Variants in SMARCA2 observed in about 807,000 individuals in gnomAD.
The protein encoded by SMARCA2 is SWI/SNF related BAF chromatin remodeling complex subunit ATPase 2, also known as SWI/SNF-related matrix-associated actin-dependent regulator of chromatin subfamily A member 2.
A neutral mutation model predicts 199.8 loss-of-function variants in SMARCA2; 61 were observed. The ratio of observed to expected loss-of-function variants is 0.31; its 90% CI spans 0.25 to 0.38. The LOEUF (loss-of-function observed/expected upper bound fraction) is 0.38. Among genes scored for constraint, SMARCA2 ranks in the 10% least tolerant of loss-of-function variants. The pLI is 1.00. For synonymous variants in SMARCA2, 935 were observed against 732.0 expected (o/e 1.28, Z -4.48); for missense variants, 1,344 against 2,012.2 (o/e 0.67, Z 6.35).
intron 5 of SMARCA2, among the ~76,000 whole-genome samples, chr9:2,049,420 C>T (rs955773376): frequency 1.3e-5 from 2 of 152,158 alleles, no homozygotes; most frequent in East Asian, 1.9e-4. Flanking sequence ...TTCTGCCCTC[C>T]TATGTCAATA....
chr9:2,174,687 G>A lies in SMARCA2; in HGVS notation c.4253+4215G>A, dbSNP rs535474382. Among the ~76,000 whole-genome samples the A allele has an allele frequency of 3.3e-5, 5 of 152,176 alleles. No homozygotes were observed. In the South Asian group the frequency reaches 1.0e-3, roughly 32 times the overall value. On this transcript the variant is annotated intron_variant, in intron 29 of 33. Transcript: ENST00000349721. Reference sequence around the variant, plus strand: ...GTAATTCCCAGCACTTTGGGAGGCCGAGGCAAGCGGATTGCTTCAGCTCAG... The same window carrying A: ...GTAATTCCCAGCACTTTGGGAGGCCAAGGCAAGCGGATTGCTTCAGCTCAG...
rs185111631 is a variant in SMARCA2, at chr9:2,046,492, A to G, written c.791-737A>G. 1.6e-3 allele frequency among the ~76,000 whole-genome samples: 237 copies of G among 152,288 alleles called. 3 individuals are homozygous for G. Among genetic ancestry groups the G allele is most frequent in the African/African-American group, 5.3e-3 (221 of 41,556 alleles). ...TGAATGTTTTAAGAAGTGTTTTCTA[A>G]TATGTAGTAAGAAAAAATTTAAGTT... is the stretch of plus-strand genomic sequence containing the variant. On this transcript the variant is annotated intron_variant, in intron 4 of 33. Transcript: ENST00000349721.
chr9:2,184,393 C>T (rs1421158026), intron 31 of SMARCA2, among the ~76,000 whole-genome samples: 1 of 139,638 alleles, frequency 7.2e-6, no homozygotes, highest in Non-Finnish European at 1.5e-5. Flanking sequence ...CACTCTGTTG[C>T]CCAGGCTGGA....
rs1362347974 is a variant in SMARCA2, at chr9:2,110,547, A to G, written c.3456+130A>G. 1.5e-6 allele frequency: 1 copy of G among 657,606 alleles called. No homozygotes were observed. The highest frequency in any genetic ancestry group is 1.8e-5 in the African/African-American group (1 of 54,298). 40.7% of individuals were successfully genotyped at this position (657,606 alleles called of 1,614,324 possible). ...GTGGGCTGTTGCTTTCTTGGAGCCAATTCTTCTGGCTGTTTTCTTATCTCC... is the reference window on the plus strand; with the variant it reads ...GTGGGCTGTTGCTTTCTTGGAGCCAGTTCTTCTGGCTGTTTTCTTATCTCC... On this transcript the variant is annotated intron_variant, in intron 24 of 33. Transcript: ENST00000349721. This position sits in a 1 kb window ranked among gnomAD's most constrained non-coding sequence, Gnocchi z 4.8.
chr9:2,079,428 G>A (rs920125460), intron 14 of SMARCA2, among the ~76,000 whole-genome samples: 3 of 152,202 alleles, frequency 2.0e-5, no homozygotes. Context: ...CCCTTGCATA[G>A]GAGTGCAGAA....
intron 27 of SMARCA2, among the ~76,000 whole-genome samples, chr9:2,140,161 A>G (rs7021817): frequency 0.23 from 34,735 of 152,180 alleles, 6,215 homozygotes; most frequent in African/African-American, 0.49. Flanking sequence ...TCAAGAAGTC[A>G]CCTACTCTGG....
Position 2,170,939 on chromosome 9 carries a change from T to C in SMARCA2, c.4253+467T>C, listed in dbSNP as rs1431355935. ...CGCTGTGTCTGCATTCCAGAGTTGA[T>C]CATGGCATGCAGAGGGCAATTGCTG... On this transcript the variant is annotated intron_variant, in intron 29 of 33. Coordinates refer to ENST00000349721, the MANE Select transcript of SMARCA2 (RefSeq NM_003070.5). The surrounding 1 kb of genome is among the most constrained non-coding windows in gnomAD (Gnocchi z 4.7). 1.3e-5 allele frequency among the ~76,000 whole-genome samples: 2 copies of C among 152,188 alleles called. No individual in the cohort carries two copies. The highest frequency in any genetic ancestry group is 2.9e-5 in the Non-Finnish European group (2 of 68,030).
intron 3 of SMARCA2, among the ~76,000 whole-genome samples, chr9:2,035,059 T>TGAGGCACA (rs1819265191): frequency 6.6e-6 from 1 of 151,822 alleles, no homozygotes; most frequent in Non-Finnish European, 1.5e-5. Flanking sequence ...TTTATATTTT[T>TGAGGCACA]GAGGCACAGT....
chr9:2,190,456 G>A, intron 32 of SMARCA2, among the ~76,000 whole-genome samples: 1 of 152,206 alleles, frequency 6.6e-6, no homozygotes, highest in Non-Finnish European at 1.5e-5. Flanking sequence ...GTATGTATGA[G>A]GCTTTACCTA....
At chr9:2,149,943 G>A (rs957604135) in intron 27 of SMARCA2, among the ~76,000 whole-genome samples, 2 of 151,436 alleles carry the variant, frequency 1.3e-5, no homozygotes, top group Non-Finnish European at 3.0e-5. Context: ...TGAAATGAGT[G>A]TACATTTCAA....
At chr9:2,042,341 G>C (rs1819642005) in intron 4 of SMARCA2, 2 of 152,150 alleles carry the variant, frequency 1.3e-5, no homozygotes, top group South Asian at 4.1e-4. Flanking sequence ...GATGTGTTCT[G>C]GGTATGATCT....
intron 27 of SMARCA2, among the ~76,000 whole-genome samples, chr9:2,137,245 C>G (rs1824236365): frequency 6.6e-6 from 1 of 152,182 alleles, no homozygotes; most frequent in African/African-American, 2.4e-5. Context: ...TCCTTGTTCA[C>G]AACAGTTCAG....
At chr9:2,176,407 A>C (rs1489382965) in intron 29 of SMARCA2, among the ~76,000 whole-genome samples, 1 of 151,966 alleles carries the variant, frequency 6.6e-6, no homozygotes, top group East Asian at 1.9e-4. Context: ...TCAGAGTGTG[A>C]TTGTTTTTAA....
Position 2,191,409 on chromosome 9 carries a change from G to C in SMARCA2, c.4737+1G>C. On this transcript the variant is annotated splice_donor_variant, in intron 33 of 33. Coordinates refer to ENST00000349721, the MANE Select transcript of SMARCA2 (RefSeq NM_003070.5). LOFTEE classifies it high-confidence loss of function. ...CAGCGATGAGGAGCAGGATGAACGT[G>C]TAAGTGTAGCCGACTGGGACTGAAG... The C allele has an allele frequency of 6.2e-7, 1 of 1,614,018 alleles. No individual in the cohort carries two copies. The highest frequency in any genetic ancestry group is 8.5e-7 in the Non-Finnish European group (1 of 1,179,894).
At chr9:2,151,350 G>T (rs1468972191) in intron 27 of SMARCA2, among the ~76,000 whole-genome samples, 1 of 151,550 alleles carries the variant, frequency 6.6e-6, no homozygotes, top group Non-Finnish European at 1.5e-5. Flanking sequence ...AGTAATGAAG[G>T]AAGTGAAATT....
intron 27 of SMARCA2, among the ~76,000 whole-genome samples, chr9:2,134,497 A>G (rs1301805202): frequency 6.6e-6 from 1 of 152,132 alleles, no homozygotes; most frequent in Non-Finnish European, 1.5e-5. Context: ...CTGCCAACCT[A>G]TACCCACATG....
chr9:2,174,954 G>GAAAAAAAAAA (rs1826472124), intron 29 of SMARCA2, among the ~76,000 whole-genome samples: 2 of 134,252 alleles, frequency 1.5e-5, no homozygotes, highest in African/African-American at 6.6e-5. Context: ...AAAAAAAAAG[G>GAAAAAAAAAA]AAATGGAGAG....
intron 10 of SMARCA2, among the ~76,000 whole-genome samples, chr9:2,071,058 C>T (rs1821065874): frequency 1.3e-5 from 2 of 152,024 alleles, no homozygotes; most frequent in Admixed American, 6.6e-5. Context: ...GGTTCCCTGC[C>T]AGCGATTCAC....
chr9:2,034,427 G>A (rs1406927182), intron 3 of SMARCA2, among the ~76,000 whole-genome samples: 1 of 151,950 alleles, frequency 6.6e-6, no homozygotes, highest in Non-Finnish European at 1.5e-5. Flanking sequence ...TTCTTCACTG[G>A]TGAAAACTAT....
Sources: allele counts gnomAD v4.1 joint callset (sites outside exome capture counted in the v4.1 genomes callset), GRCh38; gene constraint gnomAD v4.1.1; non-coding constraint Gnocchi (gnomAD v3.1); transcripts MANE v1.5; gene names NCBI Gene and HGNC (gene_info 2026-07-23, HGNC 2026-07-21).